UNC5C: variants seen among roughly 807,000 people sequenced by gnomAD.
The protein encoded by UNC5C is netrin receptor UNC5C.
UNC5C carries 47 observed loss-of-function variants against 99.8 expected under a neutral mutation model. The ratio of observed to expected loss-of-function variants is 0.47; its 90% CI spans 0.37 to 0.60. UNC5C has a LOEUF of 0.60. Among genes scored for constraint, UNC5C ranks in the 20% least tolerant of loss-of-function variants. The pLI is 0.00. For missense variants in UNC5C, 1,062 were observed against 1,165.9 expected, an observed-to-expected ratio of 0.91 and a Z score of 1.30; for synonymous variants, 487 against 452.2, an observed-to-expected ratio of 1.08 and a Z score of -0.98.
chr4:95,192,729 C>T (rs888459264), intron 12 of UNC5C, among the ~76,000 whole-genome samples: 1 of 151,930 alleles, frequency 6.6e-6, no homozygotes, highest in Admixed American at 6.6e-5. Context: ...CCCTACTTCT[C>T]TGCTCACCTC....
At chr4:95,350,217 A>G (rs540881055) in intron 1 of UNC5C, among the ~76,000 whole-genome samples, 59 of 152,206 alleles carry the variant, frequency 3.9e-4, no homozygotes, top group African/African-American at 1.4e-3. Context: ...GCTGGGCGCG[A>G]TGGTTCACGC....
chr4:95,449,239 T>TA (rs540473433), intron 1 of UNC5C, among the ~76,000 whole-genome samples: 165 of 152,300 alleles, frequency 1.1e-3, no homozygotes, highest in Non-Finnish European at 1.7e-3. Context: ...ATGAAGTTTT[T>TA]ATCTCTGGAA....
intron 4 of UNC5C, among the ~76,000 whole-genome samples, chr4:95,260,703 C>G (rs2149386393): frequency 6.6e-6 from 1 of 152,180 alleles, no homozygotes; most frequent in South Asian, 2.1e-4. Flanking sequence ...CTTGTACTCC[C>G]TAATGCAAAT....
At chr4:95,545,165 G>T (rs544460290) in intron 1 of UNC5C, among the ~76,000 whole-genome samples, 1 of 152,266 alleles carries the variant, frequency 6.6e-6, no homozygotes, top group South Asian at 2.1e-4. Flanking sequence ...ACAATAGGAG[G>T]TGTTCGAGGA....
intron 1 of UNC5C, among the ~76,000 whole-genome samples, chr4:95,427,779 C>T (rs554483071): frequency 6.6e-6 from 1 of 152,242 alleles, no homozygotes; most frequent in East Asian, 1.9e-4. Context: ...TGGTCTGGAA[C>T]CAAACCCACA....
At chr4:95,378,537 T>C (rs966260935) in intron 1 of UNC5C, among the ~76,000 whole-genome samples, 7 of 152,156 alleles carry the variant, frequency 4.6e-5, no homozygotes, top group Non-Finnish European at 1.0e-4. Context: ...CACAGAGTAA[T>C]AGCTTTTGAT....
intron 1 of UNC5C, among the ~76,000 whole-genome samples, chr4:95,342,145 G>A (rs1743602016): frequency 6.6e-6 from 1 of 152,124 alleles, no homozygotes; most frequent in Non-Finnish European, 1.5e-5. Context: ...CACTGGACTT[G>A]GGGAACATGC....
At chr4:95,226,710 A>G (rs999620233) in intron 7 of UNC5C, among the ~76,000 whole-genome samples, 2 of 152,218 alleles carry the variant, frequency 1.3e-5, no homozygotes, top group Non-Finnish European at 2.9e-5. Context: ...ATATGGTGGT[A>G]TGTTTCCAAA....
In UNC5C at chr4:95,168,227, T is replaced by C. The variant is rs1252150625; in HGVS notation, c.*1007A>G. The C allele has an allele frequency of 1.3e-5, 2 of 152,204 alleles. No homozygotes were observed. Among genetic ancestry groups the C allele is most frequent in the Admixed American group, 1.3e-4 (2 of 15,278 alleles). 9.4% of individuals were successfully genotyped at this position (152,204 alleles called of 1,614,324 possible). Reference sequence around the variant, plus strand: ...CAGACTGACAAAGCCATTCAGCATTTATCAATCACCTTTCTGGGGTGGAAT... The same window carrying C: ...CAGACTGACAAAGCCATTCAGCATTCATCAATCACCTTTCTGGGGTGGAAT... On this transcript the variant is annotated 3_prime_UTR_variant, in exon 16 of 16. Transcript: ENST00000453304.
intron 12 of UNC5C, among the ~76,000 whole-genome samples, chr4:95,201,135 G>T (rs530982112): frequency 6.6e-6 from 1 of 152,164 alleles, no homozygotes; most frequent in Non-Finnish European, 1.5e-5. Context: ...GGAACTGTGA[G>T]AAATAAGTTT....
At chr4:95,204,892 CTG>C (rs1737817609) in intron 11 of UNC5C, among the ~76,000 whole-genome samples, 1 of 152,310 alleles carries the variant, frequency 6.6e-6, no homozygotes, top group Admixed American at 6.5e-5. Flanking sequence ...ATAATAAGAG[CTG>C]TGTTTTAATA....
At chr4:95,369,704 G>T (rs369294351) in intron 1 of UNC5C, among the ~76,000 whole-genome samples, 2 of 151,986 alleles carry the variant, frequency 1.3e-5, no homozygotes, top group Non-Finnish European at 2.9e-5. Context: ...CATTGATACC[G>T]TTATCAATGG....
At chr4:95,245,189 T>C (rs1739460145) in intron 5 of UNC5C, 45 bp from the exon 6 acceptor site, 3 of 1,565,292 alleles carry the variant, frequency 1.9e-6, no homozygotes, top group East Asian at 4.5e-5. Context: ...CATGTGTGCA[T>C]GCACAACACA....
At chr4:95,277,324 A>G (rs1740898955) in intron 4 of UNC5C, among the ~76,000 whole-genome samples, 1 of 152,228 alleles carries the variant, frequency 6.6e-6, no homozygotes, top group Non-Finnish European at 1.5e-5. Context: ...TTTGGAGGCC[A>G]ACAAGGACCA....
chr4:95,386,245 T>C (rs1166234547), intron 1 of UNC5C, among the ~76,000 whole-genome samples: 1 of 152,152 alleles, frequency 6.6e-6, no homozygotes, highest in Non-Finnish European at 1.5e-5. Context: ...TACTTTAAGT[T>C]TTAGGGTACA....
chr4:95,333,513 T>C (rs982649543), intron 2 of UNC5C, among the ~76,000 whole-genome samples: 3 of 141,050 alleles, frequency 2.1e-5, no homozygotes, highest in South Asian at 2.2e-4. Flanking sequence ...TAGGTGGGAA[T>C]TGAACAATGA....
chr4:95,220,168 C>T lies in UNC5C; in HGVS notation c.1117G>A (p.Asp373Asn). The change falls in exon 8 of 16, where the codon GAT (aspartate) becomes AAT (asparagine). Residue 373 changes from aspartate to asparagine, a missense_variant. Transcript: ENST00000453304. ...TDGLCMQTAPDSDDVALYVGI... is the reference protein window; with the variant it reads ...TDGLCMQTAPNSDDVALYVGI... ...ACATAGAGAGCAACATCATCTGAAT[C>T]AGGAGCAGCTAGAGAGGAGAGTGAA... is the stretch of plus-strand genomic sequence containing the variant. The T allele has an allele frequency of 6.2e-7, 1 of 1,612,858 alleles. No homozygotes were observed. Among genetic ancestry groups the T allele is most frequent in the Non-Finnish European group, 8.5e-7 (1 of 1,179,330 alleles).
At chr4:95,248,383 T>C (rs1395244722) in intron 5 of UNC5C, 3 of 340,256 alleles carry the variant, frequency 8.8e-6, no homozygotes, top group African/African-American at 4.4e-5. Context: ...TAGCAAGTTA[T>C]GAAAAAGTCA....
At chr4:95,483,489 G>A (rs1034325545) in intron 1 of UNC5C, among the ~76,000 whole-genome samples, 2 of 151,572 alleles carry the variant, frequency 1.3e-5, no homozygotes, top group South Asian at 4.1e-4. Context: ...TACAATTTTT[G>A]TATATAAAAT....
Sources: allele counts gnomAD v4.1 joint callset (sites outside exome capture counted in the v4.1 genomes callset), GRCh38; gene constraint gnomAD v4.1.1; transcripts MANE v1.5; gene names NCBI Gene and HGNC (gene_info 2026-07-23, HGNC 2026-07-21).